Variants in RAE1 observed in about 807,000 individuals in gnomAD.
RAE1 encodes the protein ribonucleic acid export 1, also known as mRNA export factor RAE1.
A neutral mutation model predicts 52.7 loss-of-function variants in RAE1; 13 were observed. The observed-to-expected ratio is 0.25, with a 90% CI of 0.16 to 0.39. The LOEUF is 0.39. Among genes scored for constraint, RAE1 ranks in the 10% least tolerant of loss-of-function variants. The pLI, the probability that RAE1 is intolerant of heterozygous loss-of-function variation, is 1.00. For synonymous variants in RAE1, 164 were observed against 153.1 expected, an observed-to-expected ratio of 1.07 and a Z score of -0.52; for missense variants, 262 against 459.8, an observed-to-expected ratio of 0.57 and a Z score of 3.93.
intron 8 of RAE1, among the ~76,000 whole-genome samples, chr20:57,369,568 G>C (rs1391514965): frequency 1.6e-4 from 24 of 152,230 alleles, no homozygotes; most frequent in Non-Finnish European, 3.4e-4. Flanking sequence ...AAATATGTCA[G>C]AGAAGTCTAT....
chr20:57,374,557 T>C (rs761878774), intron 10 of RAE1, 50 bp from the exon 11 acceptor site: 2 of 1,541,570 alleles, frequency 1.3e-6, no homozygotes, highest in South Asian at 1.2e-5. Context: ...GGTGGAACCT[T>C]CTCTGCGCCC....
At chr20:57,352,058 A>T (rs1419258272) in intron 1 of RAE1, 1 of 857,058 alleles carries the variant, frequency 1.2e-6, no homozygotes, top group Admixed American at 6.2e-5. Context: ...GAGTGTAAAC[A>T]AGAAATTCCA....
At position 57,356,534 on chromosome 20, in the gene RAE1, G is replaced by C. The variant is rs1372423920; in HGVS notation, c.284G>C (p.Ser95Thr). 6.2e-7 allele frequency: 1 copy of C among 1,610,084 alleles called. No homozygotes were observed. The highest frequency in any genetic ancestry group is 1.3e-5 in the African/African-American group (1 of 74,888). Residue 95 changes from serine (S) to threonine (T), a missense_variant, in exon 4 of 12, where the codon AGT becomes ACT. By Grantham distance (58) the Ser-to-Thr change is moderately conservative. Transcript: ENST00000395841. ...HTGPVLDVCWSDDGSKVFTAS... is the reference protein window; with the variant it reads ...HTGPVLDVCWTDDGSKVFTAS... ...GGGCCTGTGCTTGATGTCTGCTGGAGTGACGTACGTTCCCTTCCATTTCTC... is the reference window on the plus strand; with the variant it reads ...GGGCCTGTGCTTGATGTCTGCTGGACTGACGTACGTTCCCTTCCATTTCTC...
chr20:57,362,164 T>C (rs996167227), intron 4 of RAE1, among the ~76,000 whole-genome samples: 1 of 152,206 alleles, frequency 6.6e-6, no homozygotes, highest in Admixed American at 6.5e-5. Context: ...GCCACAAAGG[T>C]TGGGGACCGC....
chr20:57,372,590 A>G (rs1219773006), intron 8 of RAE1: 1 of 152,250 alleles, frequency 6.6e-6, no homozygotes, highest in Non-Finnish European at 1.5e-5. Context: ...TCACAAAAGT[A>G]ATGGTCTGGC....
At position 57,365,418 on chromosome 20, in the gene RAE1, TA is replaced by T; in HGVS notation, c.353del (p.Asn118ThrfsTer27). The T allele has an allele frequency of 1.2e-6, 2 of 1,609,748 alleles. No individual in the cohort carries two copies. The highest frequency in any genetic ancestry group is 1.7e-6 in the Non-Finnish European group (2 of 1,177,198). On this transcript the variant is annotated frameshift_variant, in exon 5 of 12. Coordinates refer to ENST00000395841, the MANE Select transcript of RAE1 (RefSeq NM_003610.4). LOFTEE classifies it high-confidence loss of function. Reference sequence around the variant, plus strand: ...CTGCCAAAATGTGGGACCTCAGCAGTAACCAAGCGATACAGATCGCACAGGT... The same window carrying T: ...CTGCCAAAATGTGGGACCTCAGCAGTACCAAGCGATACAGATCGCACAGGT... ...KTAKMWDLSS[N>X]QAIQIAQHDA...
intron 7 of RAE1, among the ~76,000 whole-genome samples, chr20:57,368,338 CAT>C (rs887873527): frequency 6.6e-6 from 1 of 152,150 alleles, no homozygotes; most frequent in African/African-American, 2.4e-5. Context: ...CCTTATGAAA[CAT>C]GTTTTGAGTA....
At chr20:57,366,598 T>C (rs2066957606) in intron 5 of RAE1, among the ~76,000 whole-genome samples, 2 of 152,180 alleles carry the variant, frequency 1.3e-5, no homozygotes, top group Non-Finnish European at 2.9e-5. Flanking sequence ...CCTTCAACAC[T>C]GGGGATTACA....
intron 4 of RAE1, chr20:57,357,830 T>A (rs992164320): frequency 2.0e-5 from 3 of 149,892 alleles, no homozygotes; most frequent in African/African-American, 7.7e-5. Context: ...ATAAATCATA[T>A]TATGGCTAGG....
At chr20:57,370,766 G>A (rs2067025029) in intron 8 of RAE1, among the ~76,000 whole-genome samples, 1 of 152,196 alleles carries the variant, frequency 6.6e-6, no homozygotes, top group South Asian at 2.1e-4. Context: ...CTACTAGAAT[G>A]TAAACTCCAT....
Position 57,351,329 on chromosome 20 carries a change from T to C in RAE1, c.-101T>C, listed in dbSNP as rs1236431992. 1 of 985,336 alleles carries C rather than the reference T, an allele frequency of 1.0e-6. No homozygotes were observed. The highest frequency in any genetic ancestry group is 1.2e-6 in the Non-Finnish European group (1 of 829,986). The allele number at this position is 985,336 out of a possible 1,614,324, so 61.0% of individuals were successfully genotyped here. A position where few individuals can be genotyped will look rare whatever the true frequency, so the allele number is the denominator to read the frequency against. On this transcript the variant is annotated 5_prime_UTR_variant, in exon 1 of 12. Coordinates refer to ENST00000395841, the MANE Select transcript of RAE1 (RefSeq NM_003610.4). ...GGGCTCCTGGGATTTCTGTCCGCGC[T>C]CCTGGCCCTCGTCCTTCGCGCCAGA...
Position 57,378,179 on chromosome 20 carries a change from T to C in RAE1, c.*80T>C, listed in dbSNP as rs544848105. 22 of 1,195,558 alleles carry C rather than the reference T, an allele frequency of 1.8e-5. No homozygotes were observed. The African/African-American group carries it at 3.2e-4, about 18-fold the overall frequency. 74.1% of individuals were successfully genotyped at this position (1,195,558 alleles called of 1,614,324 possible). On this transcript the variant is annotated 3_prime_UTR_variant, in exon 12 of 12. Transcript: ENST00000395841. The stretch of plus-strand genomic sequence containing the variant: ...TGTACGAATTTGGGTCCCAGCCTTG[T>C]TGGGTTGTCAGCCATGGACATGGAT...
intron 11 of RAE1, chr20:57,375,118 G>A (rs1450951543): frequency 4.6e-6 from 3 of 659,186 alleles, no homozygotes; most frequent in Non-Finnish European, 8.3e-6. Flanking sequence ...GGCGGGTCAT[G>A]GAGCTTTCGC....
chr20:57,365,226 G>A (rs1053920569), intron 4 of RAE1, 130 bp from the exon 5 acceptor site: 15 of 575,976 alleles, frequency 2.6e-5, no homozygotes, highest in Non-Finnish European at 4.4e-5. Flanking sequence ...CAGTACACTG[G>A]TCCCCAAACA....
chr20:57,358,232 A>G (rs1009380411), intron 4 of RAE1: 2 of 152,228 alleles, frequency 1.3e-5, no homozygotes, highest in Non-Finnish European at 2.9e-5. Flanking sequence ...AAAATGGTTC[A>G]AGCAGTCTGT....
chr20:57,364,151 A>G (rs1157119636), intron 4 of RAE1, among the ~76,000 whole-genome samples: 1 of 152,262 alleles, frequency 6.6e-6, no homozygotes, highest in Non-Finnish European at 1.5e-5. Flanking sequence ...AAACTTGGTA[A>G]AGTTGAATCT....
chr20:57,376,261 A>G (rs1458831395), intron 11 of RAE1, among the ~76,000 whole-genome samples: 2 of 152,170 alleles, frequency 1.3e-5, no homozygotes, highest in Non-Finnish European at 2.9e-5. Flanking sequence ...AAGCAACTTT[A>G]TTGAGGTACA....
Position 57,354,118 on chromosome 20 carries a change from A to G in RAE1, c.80A>G (p.Asn27Ser). Residue 27 changes from asparagine (N) to serine (S), a missense_variant, in exon 2 of 12, where the codon AAT (asparagine) becomes AGT (serine). Coordinates refer to ENST00000395841, the MANE Select transcript of RAE1 (RefSeq NM_003610.4). The part of the protein sequence containing the change: ...MFGSATTDNH[N>S]PMKDIEVTSS... The stretch of plus-strand genomic sequence containing the variant: ...GGCAGTGCAACTACAGACAATCACA[A>G]TCCCATGAAGGTACCACGAAAAGCT... 1.2e-6 allele frequency: 2 copies of G among 1,613,944 alleles called. No individual in the cohort carries two copies. The highest frequency in any genetic ancestry group is 1.7e-6 in the Non-Finnish European group (2 of 1,179,834).
intron 5 of RAE1, among the ~76,000 whole-genome samples, chr20:57,366,314 G>A (rs540555340): frequency 6.6e-6 from 1 of 152,300 alleles, no homozygotes; most frequent in South Asian, 2.1e-4. Context: ...AAATACCTGA[G>A]ACTGGGTAAT....
Sources: allele counts gnomAD v4.1 joint callset (sites outside exome capture counted in the v4.1 genomes callset), GRCh38; gene constraint gnomAD v4.1.1; transcripts MANE v1.5; gene names NCBI Gene and HGNC (gene_info 2026-07-23, HGNC 2026-07-21).